TBC1D32: variants seen among roughly 807,000 people sequenced by gnomAD.
The protein encoded by TBC1D32 is TBC1 domain family member 32, also known as protein broad-minded.
In TBC1D32, 151 loss-of-function variants were observed where a neutral mutation model predicts 170.3. The ratio of observed to expected loss-of-function variants is 0.89; its 90% confidence interval spans 0.78 to 1.01. The LOEUF (loss-of-function observed/expected upper bound fraction) is 1.01. Among genes scored for constraint, TBC1D32 ranks in the 50% least tolerant of loss-of-function variants. TBC1D32 has a pLI of 0.00. For synonymous variants in TBC1D32, 498 were observed against 488.0 expected (o/e 1.02, Z -0.27); for missense variants, 1,464 against 1,457.1 (o/e 1.00, Z -0.08).
chr6:121,193,985 T>C (rs1790395983), intron 22 of TBC1D32, among the ~76,000 whole-genome samples: 1 of 151,954 alleles, frequency 6.6e-6, no homozygotes, highest in African/African-American at 2.4e-5. Context: ...ACCTTCAGCT[T>C]TGTACCTTCA....
intron 12 of TBC1D32, among the ~76,000 whole-genome samples, chr6:121,286,076 A>C (rs1335446436): frequency 1.3e-5 from 2 of 152,200 alleles, no homozygotes; most frequent in East Asian, 3.8e-4. Flanking sequence ...TAAAAATCAG[A>C]GCGCCTCTCC....
chr6:121,174,554 A>G (rs530027051), intron 22 of TBC1D32, among the ~76,000 whole-genome samples: 1 of 152,306 alleles, frequency 6.6e-6, no homozygotes, highest in Admixed American at 6.5e-5. Flanking sequence ...GGGAAATCAA[A>G]TTGTTCCAGA....
chr6:121,250,766 G>A (rs141305649), intron 17 of TBC1D32, among the ~76,000 whole-genome samples: 1,725 of 152,148 alleles, frequency 0.011, 43 homozygotes, highest in African/African-American at 0.04. Flanking sequence ...GAAATAAAAG[G>A]TATTCAAATA....
intron 15 of TBC1D32, among the ~76,000 whole-genome samples, chr6:121,269,340 C>T (rs1474973335): frequency 6.6e-6 from 1 of 151,918 alleles, no homozygotes; most frequent in East Asian, 1.9e-4. Flanking sequence ...GAGTCAAGAC[C>T]CATCAGTGTG....
intron 21 of TBC1D32, among the ~76,000 whole-genome samples, chr6:121,213,636 A>C (rs1287680444): frequency 6.6e-6 from 1 of 152,084 alleles, no homozygotes; most frequent in Non-Finnish European, 1.5e-5. Context: ...CATGGCTTAA[A>C]GAACTCAGAG....
intron 24 of TBC1D32, among the ~76,000 whole-genome samples, chr6:121,155,883 G>C (rs975112768): frequency 2.0e-5 from 3 of 151,848 alleles, no homozygotes; most frequent in Non-Finnish European, 4.4e-5. Context: ...AACTTTTGCT[G>C]CTGGATAAAA....
At chr6:121,123,557 T>C (rs1780510153) in intron 26 of TBC1D32, among the ~76,000 whole-genome samples, 1 of 152,112 alleles carries the variant, frequency 6.6e-6, no homozygotes. Flanking sequence ...TAGTTACTCC[T>C]ATCCTTTTAT....
chr6:121,294,962 G>A (rs1805400852), intron 10 of TBC1D32, among the ~76,000 whole-genome samples: 1 of 152,062 alleles, frequency 6.6e-6, no homozygotes, highest in African/African-American at 2.4e-5. Context: ...AAAACTCTGT[G>A]GCCATTGCCA....
At chr6:121,266,260 G>GA (rs1800464704) in intron 15 of TBC1D32, among the ~76,000 whole-genome samples, 1 of 151,854 alleles carries the variant, frequency 6.6e-6, no homozygotes, top group Non-Finnish European at 1.5e-5. Flanking sequence ...AAGTAGACAT[G>GA]AATGGACACT....
intron 26 of TBC1D32, among the ~76,000 whole-genome samples, chr6:121,116,954 T>C (rs1779742667): frequency 6.6e-6 from 1 of 152,148 alleles, no homozygotes; most frequent in Non-Finnish European, 1.5e-5. Context: ...TTCTAAACTA[T>C]GGTGGTTCAT....
chr6:121,260,127 C>G (rs948997075), intron 15 of TBC1D32, among the ~76,000 whole-genome samples: 8 of 152,104 alleles, frequency 5.3e-5, no homozygotes, highest in African/African-American at 1.9e-4. Flanking sequence ...AACAAAATGC[C>G]ACAGAAAGGG....
At chr6:121,283,677 C>T in intron 13 of TBC1D32, 141 bp downstream of exon 13, 1 of 572,186 alleles carries the variant, frequency 1.7e-6, no homozygotes, top group East Asian at 3.0e-5. Flanking sequence ...ACTTCAGGAC[C>T]AATGTAATTT....
intron 30 of TBC1D32, among the ~76,000 whole-genome samples, chr6:121,102,264 A>T (rs1778196462): frequency 6.6e-6 from 1 of 152,156 alleles, no homozygotes; most frequent in African/African-American, 2.4e-5. Flanking sequence ...GAACCAGAAA[A>T]GATCCCACAT....
intron 24 of TBC1D32, among the ~76,000 whole-genome samples, chr6:121,158,801 G>T (rs1785223823): frequency 6.6e-6 from 1 of 152,194 alleles, no homozygotes; most frequent in Non-Finnish European, 1.5e-5. Flanking sequence ...TAGAGTTTAA[G>T]AGTGGTGGCC....
At chr6:121,154,118 G>A (rs1784559655) in intron 24 of TBC1D32, among the ~76,000 whole-genome samples, 1 of 151,828 alleles carries the variant, frequency 6.6e-6, no homozygotes, top group Non-Finnish European at 1.5e-5. Flanking sequence ...GAAACCTTGT[G>A]GTGTAGGCAC....
At chr6:121,202,558 G>A (rs1791725670) in intron 22 of TBC1D32, among the ~76,000 whole-genome samples, 1 of 151,292 alleles carries the variant, frequency 6.6e-6, no homozygotes, top group South Asian at 2.1e-4. Flanking sequence ...GTGAGCAACT[G>A]AGGACAGTTT....
intron 19 of TBC1D32, among the ~76,000 whole-genome samples, chr6:121,240,119 C>T (rs1400438300): frequency 2.6e-5 from 4 of 152,036 alleles, no homozygotes; most frequent in Admixed American, 1.3e-4. Context: ...ATAGTACCTA[C>T]GACATCGGAG....
rs541049497 is a variant in TBC1D32, at chr6:121,123,994, T to C, written c.2983+2384A>G. Among the ~76,000 whole-genome samples the C allele has an allele frequency of 9.2e-5, 14 of 152,186 alleles. No homozygotes were observed. In the South Asian group the frequency reaches 1.7e-3, roughly 18 times the overall value. On this transcript the variant is annotated intron_variant, in intron 26 of 31. Transcript: ENST00000398212. ...AAAACTATACACATTAATTCCTTTCTACCACCATTTTGAATTTTTGACTTC... is the reference window on the plus strand; with the variant it reads ...AAAACTATACACATTAATTCCTTTCCACCACCATTTTGAATTTTTGACTTC...
At chr6:121,222,026 A>G (rs1794583118) in intron 21 of TBC1D32, among the ~76,000 whole-genome samples, 1 of 152,120 alleles carries the variant, frequency 6.6e-6, no homozygotes, top group Admixed American at 6.6e-5. Context: ...ATTTTCAGAA[A>G]TTGCCAGAGC....
Sources: gnomAD v4.1 joint callset for allele counts (sites outside exome capture counted in the v4.1 genomes callset) on GRCh38, gnomAD v4.1.1 for gene constraint, MANE v1.5 for transcripts, NCBI Gene and HGNC (gene_info 2026-07-23, HGNC 2026-07-21) for gene names.